Variants in ZMAT5 observed in about 807,000 individuals in gnomAD.
ZMAT5 encodes zinc finger matrin-type 5, also known as zinc finger matrin-type protein 5.
Under a neutral mutation model 28.0 loss-of-function variants are expected in ZMAT5, and 23 were observed. That is an observed-to-expected ratio of 0.82 (90% CI 0.59 to 1.16). The LOEUF (loss-of-function observed/expected upper bound fraction) is 1.16, where lower values mean the gene tolerates loss of function less well. ZMAT5 is among the 50% of genes most tolerant of loss of function. The probability of loss-of-function intolerance (pLI) is 0.00; values close to 1 mark genes in which losing one functional copy is unlikely to be tolerated. For missense variants in ZMAT5, 173 were observed against 212.7 expected (o/e 0.81, Z 1.16); for synonymous variants, 76 against 84.1 (o/e 0.90, Z 0.52).
chr22:29,738,888 G>A (rs562885894), intron 4 of ZMAT5, among the ~76,000 whole-genome samples: 48 of 152,304 alleles, frequency 3.2e-4, no homozygotes, highest in Non-Finnish European at 5.9e-4. Context: ...GTGGGTGCCT[G>A]TAATCCCAGC....
intron 1 of ZMAT5, among the ~76,000 whole-genome samples, chr22:29,761,201 A>T (rs906457691): frequency 7.6e-6 from 1 of 131,548 alleles, no homozygotes; most frequent in Non-Finnish European, 1.5e-5. Context: ...TGAACCTGGG[A>T]GGCGGAGGTT....
intron 1 of ZMAT5, among the ~76,000 whole-genome samples, chr22:29,757,789 G>A (rs189990135): frequency 2.0e-5 from 3 of 152,164 alleles, no homozygotes; most frequent in East Asian, 1.9e-4. Flanking sequence ...AGGCCAAGGC[G>A]GGCAGATCAC....
intron 1 of ZMAT5, among the ~76,000 whole-genome samples, chr22:29,765,552 C>T (rs757681029): frequency 3.9e-5 from 6 of 152,086 alleles, no homozygotes; most frequent in Non-Finnish European, 7.4e-5. Flanking sequence ...TGATCACTGC[C>T]CTGCTCCACA....
chr22:29,741,877 C>G (rs1221479919), intron 3 of ZMAT5, among the ~76,000 whole-genome samples: 1 of 152,164 alleles, frequency 6.6e-6, no homozygotes, highest in East Asian at 1.9e-4. Flanking sequence ...TGGTCTCAAA[C>G]TCCTGGCCTC....
At chr22:29,765,355 G>T (rs1170553702) in intron 1 of ZMAT5, among the ~76,000 whole-genome samples, 1 of 151,898 alleles carries the variant, frequency 6.6e-6, no homozygotes, top group Non-Finnish European at 1.5e-5. Context: ...GGTGGCAGAG[G>T]TTGCAGTGAG....
In ZMAT5 at chr22:29,740,734, C is replaced by T. The variant is rs900322427; in HGVS notation, c.191-4G>A. On this transcript the variant is annotated splice_region_variant and splice_polypyrimidine_tract_variant and intron_variant, in intron 3 of 5. Coordinates refer to ENST00000344318, the MANE Select transcript of ZMAT5 (RefSeq NM_001003692.2). ...TTGGAGCCAAAGTCGCACTGGCCTGCAGCAGGAAGACAGAGTTACTCGCTG... is the reference window on the plus strand; with the variant it reads ...TTGGAGCCAAAGTCGCACTGGCCTGTAGCAGGAAGACAGAGTTACTCGCTG... 6.3e-7 allele frequency: 1 copy of T among 1,590,784 alleles called. No individual in the cohort carries two copies. Among genetic ancestry groups the T allele is most frequent in the South Asian group, 1.1e-5 (1 of 87,106 alleles).
At chr22:29,758,952 C>A (rs1438780807) in intron 1 of ZMAT5, 1 of 152,230 alleles carries the variant, frequency 6.6e-6, no homozygotes, top group African/African-American at 2.4e-5. Context: ...GTTCCAGAGA[C>A]CTGGTTCACT....
At chr22:29,740,957 C>T (rs576974632) in intron 3 of ZMAT5, among the ~76,000 whole-genome samples, 1 of 152,184 alleles carries the variant, frequency 6.6e-6, no homozygotes, top group Non-Finnish European at 1.5e-5. Context: ...CTCCAGCTGC[C>T]CCCCATGCTG....
intron 1 of ZMAT5, among the ~76,000 whole-genome samples, chr22:29,763,322 G>T (rs1601733151): frequency 1.3e-5 from 1 of 76,982 alleles, no homozygotes; most frequent in East Asian, 6.0e-4. Flanking sequence ...AAATAAATAA[G>T]GCCAGGTGCG....
chr22:29,741,852 C>T (rs916857246), intron 3 of ZMAT5, among the ~76,000 whole-genome samples: 2 of 152,128 alleles, frequency 1.3e-5, no homozygotes, highest in African/African-American at 4.8e-5. Context: ...TGGGGTCTCG[C>T]TATGTTGCCC....
chr22:29,748,780 G>A (rs1269033172), intron 1 of ZMAT5, among the ~76,000 whole-genome samples: 1 of 152,236 alleles, frequency 6.6e-6, no homozygotes, highest in Non-Finnish European at 1.5e-5. Flanking sequence ...CTGCAACTTA[G>A]GCCAGTTAAA....
chr22:29,740,803 G>A, intron 3 of ZMAT5, 73 bp from the exon 4 acceptor site: 1 of 1,387,908 alleles, frequency 7.2e-7, no homozygotes, highest in Non-Finnish European at 1.0e-6. Context: ...GCCCAGATGA[G>A]GGATCCCAGA....
intron 1 of ZMAT5, among the ~76,000 whole-genome samples, chr22:29,766,267 C>A (rs751624438): frequency 1.3e-5 from 2 of 152,214 alleles, no homozygotes; most frequent in Non-Finnish European, 2.9e-5. Context: ...CATCCCAGGA[C>A]TGTAGCTGCC....
chr22:29,734,869 C>T (rs2067889762), intron 5 of ZMAT5, among the ~76,000 whole-genome samples: 3 of 151,988 alleles, frequency 2.0e-5, no homozygotes, highest in Admixed American at 2.0e-4. Context: ...GGCTGTGCGG[C>T]CAGAGGTGGA....
chr22:29,750,728 T>A (rs2068048495), intron 1 of ZMAT5, among the ~76,000 whole-genome samples: 1 of 152,158 alleles, frequency 6.6e-6, no homozygotes, highest in Non-Finnish European at 1.5e-5. Flanking sequence ...AAGGTAGCTA[T>A]CCGGGCTAGC....
intron 1 of ZMAT5, among the ~76,000 whole-genome samples, chr22:29,760,133 G>A (rs1187403015): frequency 3.3e-5 from 5 of 151,822 alleles, no homozygotes; most frequent in South Asian, 2.1e-4. Context: ...CCCGGGAGGC[G>A]GAGGTTGCAG....
At chr22:29,761,068 A>G (rs988760391) in intron 1 of ZMAT5, among the ~76,000 whole-genome samples, 1 of 151,710 alleles carries the variant, frequency 6.6e-6, no homozygotes, top group African/African-American at 2.4e-5. Flanking sequence ...AGGTCAAGAG[A>G]TCGAGACCAT....
intron 4 of ZMAT5, 34 bp from the exon 5 acceptor site, chr22:29,738,475 G>A: frequency 6.3e-7 from 1 of 1,575,660 alleles, no homozygotes; most frequent in Non-Finnish European, 8.7e-7. Context: ...CAAGTGAGGG[G>A]TACACTCCTG....
intron 5 of ZMAT5, 131 bp downstream of exon 5, chr22:29,738,199 A>C (rs1362640980): frequency 2.5e-5 from 19 of 754,714 alleles, no homozygotes; most frequent in East Asian, 8.3e-5. Flanking sequence ...TCGGGGAGCT[A>C]TGTGTAGGCA....
Sources: allele counts gnomAD v4.1 joint callset (sites outside exome capture counted in the v4.1 genomes callset), GRCh38; gene constraint gnomAD v4.1.1; transcripts MANE v1.5; gene names NCBI Gene and HGNC (gene_info 2026-07-23, HGNC 2026-07-21).